Variants in ACTN4 observed in about 807,000 individuals in gnomAD.
ACTN4 encodes alpha-actinin-4.
A neutral mutation model predicts 114.2 loss-of-function variants in ACTN4; 18 were observed. The ratio of observed to expected loss-of-function variants is 0.16; its 90% confidence interval spans 0.11 to 0.23. ACTN4 has a LOEUF of 0.23. Among genes scored for constraint, ACTN4 ranks in the 10% least tolerant of loss-of-function variants. The pLI is 1.00. For missense variants in ACTN4, 722 were observed against 1,262.9 expected (o/e 0.57, Z 6.49); for synonymous variants, 515 against 506.3 (o/e 1.02, Z -0.23).
chr19:38,668,634 C>T (rs900844067), intron 1 of ACTN4, among the ~76,000 whole-genome samples: 4 of 151,932 alleles, frequency 2.6e-5, no homozygotes, highest in Non-Finnish European at 5.9e-5. Context: ...TGCAGTGAGC[C>T]GAGGTCGTGC....
chr19:38,697,006 C>T (rs888313766), intron 1 of ACTN4, among the ~76,000 whole-genome samples: 23 of 152,362 alleles, frequency 1.5e-4, no homozygotes, highest in African/African-American at 4.8e-4. Context: ...CTTAACCTCT[C>T]GGTTACTGTC....
chr19:38,647,709 G>C lies in ACTN4; in HGVS notation c.-37G>C, dbSNP rs1170252421. On this transcript the variant is annotated 5_prime_UTR_variant, in exon 1 of 21. Coordinates refer to ENST00000252699, the MANE Select transcript of ACTN4 (RefSeq NM_004924.6). The stretch of plus-strand genomic sequence containing the variant: ...GGCAGAGGGGCGGGAGCTGAGGCGG[G>C]AGCGGACAGGCTGGTGGGCGAGCGA... The C allele has an allele frequency of 2.6e-6, 4 of 1,525,962 alleles. No homozygotes were observed. Among genetic ancestry groups the C allele is most frequent in the South Asian group, 2.4e-5 (2 of 81,728 alleles). 94.5% of individuals were successfully genotyped at this position (1,525,962 alleles called of 1,614,324 possible).
intron 1 of ACTN4, 43 bp downstream of exon 1, chr19:38,647,950 AG>A: frequency 1.2e-6 from 1 of 830,198 alleles, no homozygotes. Context: ...GGCTTTTCTG[AG>A]GGGGCCCGGG....
intron 1 of ACTN4, among the ~76,000 whole-genome samples, chr19:38,698,474 G>A (rs1968164051): frequency 6.6e-6 from 1 of 152,228 alleles, no homozygotes; most frequent in Non-Finnish European, 1.5e-5. Flanking sequence ...CCGTGGGAGG[G>A]AGGGAGACAA....
At chr19:38,721,263 G>T (rs1220654555) in intron 11 of ACTN4, among the ~76,000 whole-genome samples, 2 of 152,220 alleles carry the variant, frequency 1.3e-5, no homozygotes, top group African/African-American at 4.8e-5. Context: ...ACTAACAAAA[G>T]TTGCTAAGTT....
chr19:38,684,793 A>G (rs1248726263), intron 1 of ACTN4, among the ~76,000 whole-genome samples: 2 of 151,434 alleles, frequency 1.3e-5, no homozygotes, highest in African/African-American at 2.4e-5. Flanking sequence ...GGTCATGGTC[A>G]GGTTTTTCTT....
intron 8 of ACTN4, chr19:38,711,077 C>T (rs1968631591): frequency 6.4e-6 from 1 of 156,592 alleles, no homozygotes; most frequent in South Asian, 2.0e-4. Flanking sequence ...TGTCTCCAGC[C>T]CAGGCCGGTT....
At chr19:38,721,872 G>A (rs1969057711) in intron 12 of ACTN4, 184 bp downstream of exon 12, 2 of 857,356 alleles carry the variant, frequency 2.3e-6, no homozygotes, top group African/African-American at 1.7e-5. Flanking sequence ...TGCCCATCCT[G>A]TCTCAGCCCC....
intron 1 of ACTN4, among the ~76,000 whole-genome samples, chr19:38,670,518 G>A (rs1189928444): frequency 6.6e-6 from 1 of 152,146 alleles, no homozygotes; most frequent in Non-Finnish European, 1.5e-5. Flanking sequence ...AAGTAGCCTG[G>A]GTGGGGACTG....
At chr19:38,702,422 A>G (rs1025357008) in intron 3 of ACTN4, among the ~76,000 whole-genome samples, 7 of 152,082 alleles carry the variant, frequency 4.6e-5, no homozygotes, top group Admixed American at 2.0e-4. Flanking sequence ...CGTGGGGGTG[A>G]TGAGAGGGGC....
At position 38,730,476 on chromosome 19, in the gene ACTN4, G is replaced by T; in HGVS notation, c.*1044G>T. On this transcript the variant is annotated 3_prime_UTR_variant, in exon 21 of 21. Coordinates refer to ENST00000252699, the MANE Select transcript of ACTN4 (RefSeq NM_004924.6). ...TGATTGATTTTTTTTCTTGGTTTCT[G>T]GATAAACCACCCTCTGGGGACAGGA... The T allele has an allele frequency of 4.2e-6, 1 of 237,210 alleles. No homozygotes were observed. Among genetic ancestry groups the T allele is most frequent in the Non-Finnish European group, 8.3e-6 (1 of 120,020 alleles). 14.7% of individuals were successfully genotyped at this position (237,210 alleles called of 1,614,324 possible).
chr19:38,725,580 C>T lies in ACTN4; in HGVS notation c.2011-144C>T, dbSNP rs559352760. On this transcript the variant is annotated intron_variant, in intron 16 of 20. Transcript: ENST00000252699. ...GGGACAGTTGTGAGCAGTGGGCCTT[C>T]CCTCCCAGGGACCCATGGGCCAAGG... 1.2e-4 allele frequency: 98 copies of T among 816,154 alleles called. No homozygotes were observed. The African/African-American group carries it at 1.5e-3, about 13-fold the overall frequency. The allele number at this position is 816,154 out of a possible 1,614,324, so 50.6% of individuals were successfully genotyped here.
chr19:38,685,446 C>G (rs188372465), intron 1 of ACTN4, among the ~76,000 whole-genome samples: 3 of 152,234 alleles, frequency 2.0e-5, no homozygotes. Flanking sequence ...TCATCCAGTG[C>G]TCACGGAGCC....
Position 38,728,979 on chromosome 19 carries a change from C to T in ACTN4, c.2419-17C>T, listed in dbSNP as rs763861660. On this transcript the variant is annotated splice_polypyrimidine_tract_variant and intron_variant, in intron 19 of 20. Coordinates refer to ENST00000252699, the MANE Select transcript of ACTN4 (RefSeq NM_004924.6). ...CACTAAATGTCGGGTGTCCCCCACCCCACCCTCTCCTTGCAGGGTGAGGCC... is the reference window on the plus strand; with the variant it reads ...CACTAAATGTCGGGTGTCCCCCACCTCACCCTCTCCTTGCAGGGTGAGGCC... 1.9e-5 allele frequency: 31 copies of T among 1,612,300 alleles called. No homozygotes were observed. The highest frequency in any genetic ancestry group is 1.9e-4 in the Middle Eastern group (1 of 5,354).
chr19:38,655,433 A>G (rs963273348), intron 1 of ACTN4, among the ~76,000 whole-genome samples: 1 of 152,208 alleles, frequency 6.6e-6, no homozygotes, highest in Admixed American at 6.5e-5. Context: ...CAAAGGAAAT[A>G]ACTTTCTCAA....
At chr19:38,688,319 C>T (rs139032698) in intron 1 of ACTN4, among the ~76,000 whole-genome samples, 3,678 of 138,142 alleles carry the variant, frequency 0.027, 79 homozygotes, top group Admixed American at 0.072. Flanking sequence ...GAGGCCGAGG[C>T]GAGTGGATCA....
intron 1 of ACTN4, among the ~76,000 whole-genome samples, chr19:38,661,348 T>A (rs930474494): frequency 2.0e-5 from 3 of 152,358 alleles, no homozygotes; most frequent in Admixed American, 2.0e-4. Context: ...TCTGTGATGA[T>A]TTCGGCAGTC....
chr19:38,721,755 C>T, intron 12 of ACTN4, 67 bp downstream of exon 12: 2 of 1,595,892 alleles, frequency 1.3e-6, no homozygotes, highest in Non-Finnish European at 8.5e-7. Context: ...CTGGTGGCGG[C>T]AGCACGCCGA....
chr19:38,701,710 C>T (rs1829208528), intron 3 of ACTN4, among the ~76,000 whole-genome samples: 1 of 152,240 alleles, frequency 6.6e-6, no homozygotes, highest in South Asian at 2.1e-4. Context: ...CAGGCCCTCA[C>T]TAGAGCAGCA....
Sources: allele counts gnomAD v4.1 joint callset (sites outside exome capture counted in the v4.1 genomes callset), GRCh38; gene constraint gnomAD v4.1.1; transcripts MANE v1.5; gene names NCBI Gene and HGNC (gene_info 2026-07-23, HGNC 2026-07-21).